CENPW: variants seen among roughly 807,000 people sequenced by gnomAD.
CENPW encodes the protein centromere protein W.
A neutral mutation model predicts 11.1 loss-of-function variants in CENPW; 3 were observed. The observed-to-expected ratio is 0.27, with a 90% confidence interval of 0.12 to 0.70. CENPW has a LOEUF of 0.70. CENPW is among the 30% of genes least tolerant of loss of function. CENPW has a pLI of 0.77. For missense variants in CENPW, 100 were observed against 105.6 expected (o/e 0.95, Z 0.23); for synonymous variants, 38 against 42.0 (o/e 0.91, Z 0.37).
At chr6:126,392,773 T>C in the CENPW span, among the ~76,000 whole-genome samples, 1 of 151,980 alleles carries the variant, frequency 6.6e-6, no homozygotes, top group South Asian at 2.1e-4. Context: ...TCATGTGTCT[T>C]GGTCTGGTTG....
chr6:126,423,982 A>G, the CENPW span, among the ~76,000 whole-genome samples: 10 of 152,242 alleles, frequency 6.6e-5, no homozygotes, highest in African/African-American at 2.4e-4. Context: ...TTACTTTTAA[A>G]TAACTAATAC....
At chr6:126,440,568 A>G in the CENPW span, among the ~76,000 whole-genome samples, 19 of 151,716 alleles carry the variant, frequency 1.3e-4, 1 homozygote, top group East Asian at 3.5e-3. Context: ...TTAAAGAAGT[A>G]TATGCTAATA....
the CENPW span, among the ~76,000 whole-genome samples, chr6:126,413,658 G>A: frequency 6.6e-6 from 1 of 151,506 alleles, no homozygotes. Flanking sequence ...TAAAGCTCTG[G>A]TAGAACAGAT....
chr6:126,354,358 C>T, the CENPW span, among the ~76,000 whole-genome samples: 1 of 152,096 alleles, frequency 6.6e-6, no homozygotes, highest in Non-Finnish European at 1.5e-5. Context: ...CTTCTTCTGG[C>T]ATGTACCGAA....
chr6:126,481,816 C>T, the CENPW span, among the ~76,000 whole-genome samples: 2 of 152,194 alleles, frequency 1.3e-5, no homozygotes, highest in South Asian at 2.1e-4. Context: ...ATTGTTCATT[C>T]AATCTTACTA....
At chr6:126,393,354 G>A in the CENPW span, among the ~76,000 whole-genome samples, 1 of 151,128 alleles carries the variant, frequency 6.6e-6, no homozygotes, top group African/African-American at 2.4e-5. Context: ...TGCTTTTCTA[G>A]TTCTTTAAGA....
chr6:126,403,623 A>G, the CENPW span, among the ~76,000 whole-genome samples: 5 of 152,088 alleles, frequency 3.3e-5, no homozygotes, highest in African/African-American at 1.2e-4. Flanking sequence ...CATGAGGTTT[A>G]AGGAAATAAG....
chr6:126,387,499 G>A, the CENPW span, among the ~76,000 whole-genome samples: 4 of 151,892 alleles, frequency 2.6e-5, no homozygotes, highest in Non-Finnish European at 5.9e-5. Flanking sequence ...AGTGCAATTA[G>A]TATATTTATC....
the CENPW span, among the ~76,000 whole-genome samples, chr6:126,431,631 A>G: frequency 6.6e-6 from 1 of 152,222 alleles, no homozygotes; most frequent in Non-Finnish European, 1.5e-5. Flanking sequence ...GTAGGTGGAA[A>G]TGCAAACAAT....
chr6:126,405,978 T>C, the CENPW span, among the ~76,000 whole-genome samples: 4 of 152,130 alleles, frequency 2.6e-5, no homozygotes, highest in Non-Finnish European at 5.9e-5. Flanking sequence ...TGGTTAGGAC[T>C]TTCAGTATTA....
At chr6:126,378,210 T>C in the CENPW span, among the ~76,000 whole-genome samples, 1 of 152,184 alleles carries the variant, frequency 6.6e-6, no homozygotes, top group South Asian at 2.1e-4. Context: ...TGGTTTGTGC[T>C]TTTTGCAGCT....
At chr6:126,367,216 T>C in the CENPW span, among the ~76,000 whole-genome samples, 1 of 152,106 alleles carries the variant, frequency 6.6e-6, no homozygotes, top group Non-Finnish European at 1.5e-5. Context: ...ATAGCTCTAG[T>C]AGTGCAAGTG....
the CENPW span, among the ~76,000 whole-genome samples, chr6:126,412,014 C>CCCCCCT: frequency 3.4e-4 from 2 of 5,944 alleles, no homozygotes; most frequent in African/African-American, 6.6e-4. Flanking sequence ...TCTCTCCCTC[C>CCCCCCT]CACTCCCTCC....
At chr6:126,409,106 T>C in the CENPW span, among the ~76,000 whole-genome samples, 4 of 152,138 alleles carry the variant, frequency 2.6e-5, no homozygotes, top group South Asian at 6.2e-4. Context: ...CTTCAACTTA[T>C]TACTGCTTTT....
the CENPW span, among the ~76,000 whole-genome samples, chr6:126,366,598 A>T: frequency 6.6e-6 from 1 of 152,148 alleles, no homozygotes; most frequent in Non-Finnish European, 1.5e-5. Context: ...TTTAAAATAT[A>T]TATCATATAC....
At chr6:126,341,447 G>A (rs1780308651) in intron 1 of CENPW, among the ~76,000 whole-genome samples, 1 of 152,064 alleles carries the variant, frequency 6.6e-6, no homozygotes, top group Admixed American at 6.5e-5. Context: ...CACCCCATCT[G>A]TTGCTTCCTT....
At chr6:126,386,490 A>G in the CENPW span, among the ~76,000 whole-genome samples, 1 of 152,056 alleles carries the variant, frequency 6.6e-6, no homozygotes, top group African/African-American at 2.4e-5. Flanking sequence ...TTTAATGGTC[A>G]TCAGTTGCAT....
At chr6:126,341,446 T>A (rs752675922) in intron 1 of CENPW, among the ~76,000 whole-genome samples, 5 of 152,222 alleles carry the variant, frequency 3.3e-5, no homozygotes, top group Non-Finnish European at 7.4e-5. Context: ...CCACCCCATC[T>A]GTTGCTTCCT....
At chr6:126,355,252 T>C in the CENPW span, among the ~76,000 whole-genome samples, 1 of 152,182 alleles carries the variant, frequency 6.6e-6, no homozygotes, top group Non-Finnish European at 1.5e-5. Context: ...AGTTTTGTTT[T>C]TGAAATAGTT....
Sources: gnomAD v4.1 joint callset for allele counts (sites outside exome capture counted in the v4.1 genomes callset) on GRCh38, gnomAD v4.1.1 for gene constraint, MANE v1.5 for transcripts, NCBI Gene and HGNC (gene_info 2026-07-23, HGNC 2026-07-21) for gene names.